Variants in ZNF841 observed in about 807,000 individuals in gnomAD.
ZNF841 encodes the protein zinc finger protein 841, also known as TCONS_00006091.
ZNF841 carries 11 observed loss-of-function variants against 13.0 expected under a neutral mutation model. That is an observed-to-expected ratio of 0.85 (90% CI 0.53 to 1.40). ZNF841 has a LOEUF of 1.40. Ranked by LOEUF, ZNF841 falls within the 40% of genes most tolerant of loss-of-function variation. ZNF841 has a pLI of 0.00. For synonymous variants in ZNF841, 369 were observed against 381.6 expected (o/e 0.97, Z 0.38); for missense variants, 1,068 against 1,139.5 (o/e 0.94, Z 0.90).
rs764926771 is a variant in ZNF841 at position 52,065,624 on chromosome 19, G to A, written c.2258C>T (p.Ala753Val). The change falls in exon 7 of 7, where the codon GCA becomes GTA. Residue 753 changes from alanine (A) to valine (V), a missense_variant. Coordinates refer to ENST00000594440, the MANE Select transcript of ZNF841 (RefSeq NM_001136499.2). ...TCCAGTATGAATTCTCCGATGCCTT[G>A]CCAGGGTTGTAGTGGAGTTAAAGAC... The part of the protein sequence containing the change: ...GKVFNSTTTL[A>V]RHRRIHTGEK... 3 of 1,611,216 alleles carry A rather than the reference G, an allele frequency of 1.9e-6. No homozygotes were observed. In the East Asian group the frequency reaches 6.7e-5, roughly 36 times the overall value.
intron 2 of ZNF841, among the ~76,000 whole-genome samples, chr19:52,090,654 G>GAAAGAAAGAAAGAAAGAAA (rs1568549587): frequency 1.3e-4 from 11 of 84,652 alleles, no homozygotes; most frequent in Admixed American, 2.7e-4. Flanking sequence ...AAGGAAGGAA[G>GAAAGAAAGAAAGAAAGAAA]GAAAGAAAGA....
chr19:52,090,650 G>A (rs867377492), intron 2 of ZNF841, among the ~76,000 whole-genome samples: 669 of 58,834 alleles, frequency 0.011, 6 homozygotes, highest in African/African-American at 0.043. Context: ...AAGGAAGGAA[G>A]GAAGGAAAGA....
rs1447674533 is a variant in ZNF841 at position 52,064,699 on chromosome 19, T to A, written c.*408A>T. ...CCCAGGCTAGAGTGCAGTGGCGCGA[T>A]CTCGGCTCACTGCAACCTCCGCCTC... is the stretch of plus-strand genomic sequence containing the variant. On this transcript the variant is annotated 3_prime_UTR_variant, in exon 7 of 7. Transcript: ENST00000594440. 1.9e-5 allele frequency: 3 copies of A among 158,140 alleles called. No individual in the cohort carries two copies. Among genetic ancestry groups the A allele is most frequent in the African/African-American group, 7.2e-5 (3 of 41,592 alleles). The allele number at this position is 158,140 out of a possible 1,614,324, so 9.8% of individuals were successfully genotyped here.
rs187329066 is a variant in ZNF841, at chr19:52,067,686, C to T, written c.272-76G>A. 66 of 1,046,394 alleles carry T rather than the reference C, an allele frequency of 6.3e-5. No homozygotes were observed. The Middle Eastern group carries it at 9.4e-4, about 15-fold the overall frequency. 64.8% of individuals were successfully genotyped at this position (1,046,394 alleles called of 1,614,324 possible). A position where few individuals can be genotyped will look rare whatever the true frequency, so the allele number is the denominator to read the frequency against. On this transcript the variant is annotated intron_variant, in intron 6 of 6. Coordinates refer to ENST00000594440, the MANE Select transcript of ZNF841 (RefSeq NM_001136499.2). ...ATTATTTTATACTGAAAACACACTACGCTAAACATAATGTTTATACTAGCA... is the reference window on the plus strand; with the variant it reads ...ATTATTTTATACTGAAAACACACTATGCTAAACATAATGTTTATACTAGCA...
Position 52,065,921 on chromosome 19 carries a change from T to A in ZNF841, c.1961A>T (p.Lys654Ile), listed in dbSNP as rs1423465960. Residue 654 changes from lysine (K) to isoleucine (I), a missense_variant, in exon 7 of 7, where the codon AAA becomes ATA. Transcript: ENST00000594440. ...ATAGGCTTTGCCACAATCATTACAT[T>A]TATAAGGTTTCTCTCCGGTATGAAT... ...RKIHTGEKPYKCNDCGKAYTQ... is the reference protein window; with the variant it reads ...RKIHTGEKPYICNDCGKAYTQ... 2.5e-6 allele frequency: 4 copies of A among 1,614,182 alleles called. No homozygotes were observed. Among genetic ancestry groups the A allele is most frequent in the Non-Finnish European group, 3.4e-6 (4 of 1,180,038 alleles).
chr19:52,065,299 C>T lies in ZNF841; in HGVS notation c.2583G>A (p.Arg861=). The T allele has an allele frequency of 6.2e-7, 1 of 1,613,258 alleles. No homozygotes were observed. Among genetic ancestry groups the T allele is most frequent in the Non-Finnish European group, 8.5e-7 (1 of 1,179,552 alleles). ...TTCGTTGGTGTTTAGTGAGGCAAGA[C>T]CGCCGCCCAAACGCCTTGCCACATT... is the stretch of plus-strand genomic sequence containing the variant. ...CMECGKAFGR[R]SCLTKHQRIH... Residue 861 remains arginine (R), a synonymous_variant, in exon 7 of 7, where the codon CGG becomes CGA. Transcript: ENST00000594440.
chr19:52,092,381 A>G (rs4267443), intron 2 of ZNF841, among the ~76,000 whole-genome samples: 1 of 152,224 alleles, frequency 6.6e-6, no homozygotes, highest in African/African-American at 2.4e-5. Context: ...ACCAACAGGT[A>G]TATAATAAGA....
intron 1 of ZNF841, among the ~76,000 whole-genome samples, chr19:52,095,182 C>A (rs549108146): frequency 6.6e-6 from 1 of 152,240 alleles, no homozygotes; most frequent in South Asian, 2.1e-4. Context: ...CCTGTCCCAA[C>A]GGGGAGTCAA....
intron 6 of ZNF841, among the ~76,000 whole-genome samples, chr19:52,074,696 T>C (rs2087843044): frequency 6.6e-6 from 1 of 152,146 alleles, no homozygotes; most frequent in Non-Finnish European, 1.5e-5. Context: ...TTTGTATTTT[T>C]AGTAGAGACG....
rs144690937 is a variant in ZNF841, at chr19:52,076,045, G to A, written c.270C>T (p.Thr90=). ...CATTGTGCCCATCTGAGCTCTTACC[G>A]GTGATCACGCCTTTCATGCATTCCC... ...NCGECMKGVI[T]GISPKCVIKE... Residue 90 remains threonine, a splice_region_variant and synonymous_variant, in exon 6 of 7, where the codon ACC becomes ACT. Transcript: ENST00000594440. The A allele has an allele frequency of 1.4e-5, 22 of 1,552,124 alleles. No homozygotes were observed. The highest frequency in any genetic ancestry group is 1.1e-4 in the African/African-American group (8 of 73,140).
intron 6 of ZNF841, among the ~76,000 whole-genome samples, chr19:52,072,096 G>A (rs1198833533): frequency 1.3e-5 from 2 of 152,194 alleles, no homozygotes; most frequent in East Asian, 3.8e-4. Flanking sequence ...ACTGGTACAA[G>A]AGACAAAGAA....
At chr19:52,090,658 A>AGAAAGAAAGAAAG (rs2088449203) in intron 2 of ZNF841, among the ~76,000 whole-genome samples, 2 of 83,134 alleles carry the variant, frequency 2.4e-5, no homozygotes, top group African/African-American at 8.0e-5. Context: ...AAGGAAGGAA[A>AGAAAGAAAGAAAG]GAAAGAAAGA....
At chr19:52,069,284 A>G (rs2087676167) in intron 6 of ZNF841, among the ~76,000 whole-genome samples, 1 of 152,124 alleles carries the variant, frequency 6.6e-6, no homozygotes, top group Non-Finnish European at 1.5e-5. Context: ...CATGTTGCCC[A>G]GGCTGGTCTG....
At chr19:52,093,030 C>G (rs1384851099) in intron 2 of ZNF841, among the ~76,000 whole-genome samples, 1 of 152,108 alleles carries the variant, frequency 6.6e-6, no homozygotes. Context: ...GCAGGAGAAT[C>G]ATTTGAACCT....
intron 4 of ZNF841, among the ~76,000 whole-genome samples, chr19:52,078,403 G>A (rs2087976702): frequency 6.6e-6 from 1 of 152,058 alleles, no homozygotes; most frequent in South Asian, 2.1e-4. Flanking sequence ...TAAAAATTAA[G>A]CAAATCACTG....
intron 4 of ZNF841, among the ~76,000 whole-genome samples, chr19:52,080,934 T>C (rs1194492602): frequency 1.3e-5 from 2 of 152,044 alleles, no homozygotes; most frequent in East Asian, 1.9e-4. Flanking sequence ...CAAAAGAAGA[T>C]AATAAAACTT....
rs756046595 is a variant in ZNF841 at position 52,066,564 on chromosome 19, G to A, written c.1318C>T (p.Gln440Ter). 1.2e-6 allele frequency: 2 copies of A among 1,613,358 alleles called. No homozygotes were observed. Among genetic ancestry groups the A allele is most frequent in the South Asian group, 1.1e-5 (1 of 91,000 alleles). ...TCDVCGKVFY[Q>*]NSQLVRHQII... ...TGGTGCCTTACAAGTTGTGAATTCT[G>A]ATAAAAGACCTTGCCACATACATCA... The change falls in exon 7 of 7, where the codon CAG becomes TAG. Residue 440 changes from glutamine (Q) to a stop codon, truncating the protein, a stop_gained. Transcript: ENST00000594440. LOFTEE classifies it low-confidence loss of function (END_TRUNC).
Position 52,066,924 on chromosome 19 carries a change from C to T in ZNF841, c.958G>A (p.Asp320Asn). Residue 320 changes from aspartate to asparagine, a missense_variant, in exon 7 of 7, where the codon GAT becomes AAT. By Grantham distance (23) the Asp-to-Asn change is conservative. Coordinates refer to ENST00000594440, the MANE Select transcript of ZNF841 (RefSeq NM_001136499.2). The stretch of plus-strand genomic sequence containing the variant: ...TGTCTGAAGATCCTGCCACATACAT[C>T]ACATTGGTATGGTTTCCCTCTTGTA... ...VHTRGKPYQC[D>N]VCGRIFRQNS... The T allele has an allele frequency of 6.2e-7, 1 of 1,614,178 alleles. No homozygotes were observed. The highest frequency in any genetic ancestry group is 8.5e-7 in the Non-Finnish European group (1 of 1,180,032).
At chr19:52,059,692 T>G (rs1194885588), downstream of ZNF841, among the ~76,000 whole-genome samples, 1 of 152,106 alleles carries the variant, frequency 6.6e-6, no homozygotes, top group Non-Finnish European at 1.5e-5. Flanking sequence ...CGTGAGCCTG[T>G]GATCCTGAGG....
Sources: gnomAD v4.1 joint callset for allele counts (sites outside exome capture counted in the v4.1 genomes callset) on GRCh38, gnomAD v4.1.1 for gene constraint, MANE v1.5 for transcripts, NCBI Gene and HGNC (gene_info 2026-07-23, HGNC 2026-07-21) for gene names.